Variants in BACE2 observed in about 807,000 individuals in gnomAD.
The protein encoded by BACE2 is beta-secretase 2, also known as 56 kDa aspartic-like protease.
A neutral mutation model predicts 46.2 loss-of-function variants in BACE2; 17 were observed. The observed-to-expected ratio is 0.37, with a 90% CI of 0.25 to 0.55. The LOEUF is 0.55. Ranked by LOEUF, BACE2 falls within the 20% of genes least tolerant of loss-of-function variation. BACE2 has a pLI of 0.82. For missense variants in BACE2, 595 were observed against 698.1 expected, an observed-to-expected ratio of 0.85 and a Z score of 1.66; for synonymous variants, 277 against 295.9, an observed-to-expected ratio of 0.94 and a Z score of 0.66.
At chr21:41,228,665 A>G (rs1986888246) in intron 2 of BACE2, among the ~76,000 whole-genome samples, 1 of 152,196 alleles carries the variant, frequency 6.6e-6, no homozygotes, top group African/African-American at 2.4e-5. Flanking sequence ...GCAAGGCACA[A>G]AGCCATTCTT....
At chr21:41,188,537 G>A (rs1479086766) in intron 1 of BACE2, among the ~76,000 whole-genome samples, 1 of 151,926 alleles carries the variant, frequency 6.6e-6, no homozygotes, top group South Asian at 2.1e-4. Context: ...GTGGCAAGAC[G>A]AGATGGTGGA....
At chr21:41,169,672 T>C (rs975541697) in intron 1 of BACE2, among the ~76,000 whole-genome samples, 2 of 152,356 alleles carry the variant, frequency 1.3e-5, no homozygotes, top group Middle Eastern at 3.4e-3. Context: ...TTCAAGACTT[T>C]AAGAGGAAAG....
chr21:41,250,795 C>A lies in BACE2; in HGVS notation c.1028C>A (p.Ala343Glu), dbSNP rs549639705. 2 of 1,614,010 alleles carry A rather than the reference C, an allele frequency of 1.2e-6. No individual in the cohort carries two copies. Among genetic ancestry groups the A allele is most frequent in the Non-Finnish European group, 1.7e-6 (2 of 1,180,014 alleles). ...GGTTTCTGGACTGGGTCCCAGCTGG[C>A]GTGCTGGACGAATTCGGAAACACCT... Reference protein sequence around the residue: ...SDGFWTGSQLACWTNSETPWS... With the variant: ...SDGFWTGSQLECWTNSETPWS... The change falls in exon 7 of 9, where the codon GCG (alanine) becomes GAG (glutamate). Residue 343 changes from alanine (A) to glutamate (E), a missense_variant. Physicochemically the swap from Ala to Glu is moderately radical, Grantham distance 107. This residue lies in a region of BACE2 where 343 missense variants were observed against 419.4 expected (regional missense o/e 0.82). Coordinates refer to ENST00000330333, the MANE Select transcript of BACE2 (RefSeq NM_012105.5).
At chr21:41,179,759 G>T (rs1985038841) in intron 1 of BACE2, 1 of 849,940 alleles carries the variant, frequency 1.2e-6, no homozygotes, top group Non-Finnish European at 1.7e-6. Flanking sequence ...CTGGTGTGGG[G>T]TGGGGTGGAG....
At chr21:41,265,681 T>G (rs1265794094) in intron 8 of BACE2, among the ~76,000 whole-genome samples, 1 of 152,232 alleles carries the variant, frequency 6.6e-6, no homozygotes, top group Non-Finnish European at 1.5e-5. Flanking sequence ...AGGAACTCTT[T>G]ATGTAATGGA....
chr21:41,275,738 T>C lies in BACE2; in HGVS notation c.*114T>C, dbSNP rs1568897365. 1.5e-6 allele frequency: 2 copies of C among 1,295,286 alleles called. No individual in the cohort carries two copies. Among genetic ancestry groups the C allele is most frequent in the Non-Finnish European group, 2.1e-6 (2 of 950,766 alleles). 80.2% of individuals were successfully genotyped at this position (1,295,286 alleles called of 1,614,324 possible). A position where few individuals can be genotyped will look rare whatever the true frequency, so the allele number is the denominator to read the frequency against. On this transcript the variant is annotated 3_prime_UTR_variant, in exon 9 of 9. Transcript: ENST00000330333. ...TTCTCCTGTGCCCACCCGTCTTCAA[T>C]CTCTGTTCTGCTCCCAGATGCCTTC...
chr21:41,222,551 A>G (rs1986690964), intron 1 of BACE2, among the ~76,000 whole-genome samples: 1 of 152,190 alleles, frequency 6.6e-6, no homozygotes, highest in African/African-American at 2.4e-5. Flanking sequence ...GGGAGGAGTG[A>G]TGTCAGGGCA....
intron 2 of BACE2, among the ~76,000 whole-genome samples, chr21:41,232,691 C>T (rs544421216): frequency 1.5e-4 from 23 of 152,212 alleles, no homozygotes; most frequent in African/African-American, 1.9e-4. Flanking sequence ...ACTGTGTCCC[C>T]CTTCGCCCTC....
intron 1 of BACE2, chr21:41,182,166 T>C (rs1282527386): frequency 3.0e-5 from 5 of 167,038 alleles, no homozygotes; most frequent in African/African-American, 9.7e-5. Context: ...TGGCTGAGTG[T>C]TGATTATTTT....
At chr21:41,174,932 AC>A (rs1240658383) in intron 1 of BACE2, among the ~76,000 whole-genome samples, 31 of 152,050 alleles carry the variant, frequency 2.0e-4, no homozygotes, top group African/African-American at 7.5e-4. Context: ...GCAGCCTGGC[AC>A]CCCTTCTGTA....
intron 8 of BACE2, among the ~76,000 whole-genome samples, chr21:41,266,771 C>T (rs949469043): frequency 6.6e-6 from 1 of 152,202 alleles, no homozygotes; most frequent in East Asian, 1.9e-4. Flanking sequence ...GGAACCCCAG[C>T]CTTAGGGCCC....
At chr21:41,209,507 T>C (rs1568868619) in intron 1 of BACE2, among the ~76,000 whole-genome samples, 1 of 152,202 alleles carries the variant, frequency 6.6e-6, no homozygotes, top group African/African-American at 2.4e-5. Flanking sequence ...GCGTGCCTTT[T>C]TCTGCAGAGT....
At chr21:41,196,403 C>T (rs927161185) in intron 1 of BACE2, among the ~76,000 whole-genome samples, 2 of 151,702 alleles carry the variant, frequency 1.3e-5, no homozygotes, top group African/African-American at 4.8e-5. Context: ...AAGCAATTCA[C>T]AAGGCTATTC....
intron 1 of BACE2, among the ~76,000 whole-genome samples, chr21:41,210,627 C>T (rs1208013198): frequency 2.0e-5 from 3 of 152,308 alleles, no homozygotes; most frequent in African/African-American, 4.8e-5. Context: ...GACTGCAGCT[C>T]GGATTGGGCA....
chr21:41,231,348 C>T (rs1245074684), intron 2 of BACE2, among the ~76,000 whole-genome samples: 1 of 152,100 alleles, frequency 6.6e-6, no homozygotes, highest in Non-Finnish European at 1.5e-5. Context: ...TTAAGAGGGG[C>T]ATCCGGTCAC....
At position 41,182,439 on chromosome 21, in the gene BACE2, C is replaced by T. The variant is rs144837128; in HGVS notation, c.312+13864C>T. On this transcript the variant is annotated intron_variant, in intron 1 of 8. Coordinates refer to ENST00000330333, the MANE Select transcript of BACE2 (RefSeq NM_012105.5). The stretch of plus-strand genomic sequence containing the variant: ...GCAAGACTAAGTCTCCTGGTTGAAC[C>T]GGGGAGCTATTTTTTCCTTTGTGGG... The T allele has an allele frequency of 2.9e-4, 49 of 167,050 alleles. No individual in the cohort carries two copies. In the East Asian group the frequency reaches 7.1e-3, roughly 24 times the overall value. The allele number at this position is 167,050 out of a possible 1,614,324, so 10.3% of individuals were successfully genotyped here. A position where few individuals can be genotyped will look rare whatever the true frequency, so the allele number is the denominator to read the frequency against.
chr21:41,248,399 C>G (rs1256174371), intron 6 of BACE2, among the ~76,000 whole-genome samples: 1 of 152,118 alleles, frequency 6.6e-6, no homozygotes. Context: ...GTCACTTGGC[C>G]CCTTGGAACC....
In BACE2 at chr21:41,237,570, C is replaced by T; in HGVS notation, c.459C>T (p.Ser153=). The T allele has an allele frequency of 1.9e-6, 3 of 1,614,228 alleles. No homozygotes were observed. Among genetic ancestry groups the T allele is most frequent in the Non-Finnish European group, 2.5e-6 (3 of 1,180,038 alleles). Residue 153 remains serine, a synonymous_variant, in exon 3 of 9, where the codon AGC becomes AGT. Coordinates refer to ENST00000330333, the MANE Select transcript of BACE2 (RefSeq NM_012105.5). The stretch of plus-strand genomic sequence containing the variant: ...TCACAGTGAAGTACACACAAGGAAG[C>T]TGGACGGGCTTCGTTGGGGAAGACC... The part of the protein sequence containing the change: ...FDVTVKYTQG[S]WTGFVGEDLV...
chr21:41,172,984 C>G (rs1601235738), intron 1 of BACE2, among the ~76,000 whole-genome samples: 1 of 152,190 alleles, frequency 6.6e-6, no homozygotes, highest in African/African-American at 2.4e-5. Flanking sequence ...TCTCTCCCCT[C>G]CATGTAAGTT....
Sources: allele counts gnomAD v4.1 joint callset (sites outside exome capture counted in the v4.1 genomes callset), GRCh38; gene constraint gnomAD v4.1.1; regional missense constraint gnomAD v4.1.1; transcripts MANE v1.5; gene names NCBI Gene and HGNC (gene_info 2026-07-23, HGNC 2026-07-21).